SULF2: variants seen among roughly 807,000 people sequenced by gnomAD.
SULF2 encodes sulfatase 2, also known as extracellular sulfatase Sulf-2.
In SULF2, 52 loss-of-function variants were observed where a neutral mutation model predicts 107.7. The ratio of observed to expected loss-of-function variants is 0.48; its 90% CI spans 0.39 to 0.61. The LOEUF (loss-of-function observed/expected upper bound fraction) is 0.61. SULF2 is among the 20% of genes least tolerant of loss of function. SULF2 has a pLI of 0.00. For missense variants in SULF2, 993 were observed against 1,177.3 expected, an observed-to-expected ratio of 0.84 and a Z score of 2.29; for synonymous variants, 460 against 464.3, an observed-to-expected ratio of 0.99 and a Z score of 0.12.
intron 4 of SULF2, among the ~76,000 whole-genome samples, chr20:47,693,890 A>G (rs1388538459): frequency 1.3e-5 from 2 of 152,180 alleles, no homozygotes; most frequent in Non-Finnish European, 2.9e-5. Flanking sequence ...TAAAGCACCA[A>G]TAGATGTGAA....
chr20:47,683,301 G>A (rs1053747506), intron 6 of SULF2, 132 bp from the exon 7 acceptor site: 31 of 894,658 alleles, frequency 3.5e-5, no homozygotes, highest in Non-Finnish European at 4.7e-5. Context: ...AACTTTCCCA[G>A]GGGCTGTCCC....
chr20:47,749,313 A>G (rs2090113027), intron 2 of SULF2, among the ~76,000 whole-genome samples: 1 of 152,144 alleles, frequency 6.6e-6, no homozygotes, highest in African/African-American at 2.4e-5. Context: ...ATCCTGATAC[A>G]CTTAACTTCC....
At chr20:47,764,974 G>T (rs1414412028) in intron 1 of SULF2, among the ~76,000 whole-genome samples, 5 of 152,154 alleles carry the variant, frequency 3.3e-5, no homozygotes, top group Non-Finnish European at 7.4e-5. Context: ...TCCAGAACCT[G>T]CCCAGTGTCG....
At chr20:47,702,386 G>A in intron 4 of SULF2, 133 bp downstream of exon 4, 2 of 967,714 alleles carry the variant, frequency 2.1e-6, no homozygotes, top group Admixed American at 5.7e-5. Flanking sequence ...AGGAGGAGGT[G>A]TATGTAAAAT....
chr20:47,757,793 A>G (rs2090329105), intron 1 of SULF2, among the ~76,000 whole-genome samples: 1 of 151,986 alleles, frequency 6.6e-6, no homozygotes, highest in South Asian at 2.1e-4. Context: ...CCACAGACAA[A>G]TCGTCCCCAG....
chr20:47,689,923 C>A, intron 5 of SULF2: 1 of 448,752 alleles, frequency 2.2e-6, no homozygotes, highest in Non-Finnish European at 3.6e-6. Flanking sequence ...TAAAAATTCT[C>A]CTGCCTTGGT....
Position 47,731,210 on chromosome 20 carries a change from T to G in SULF2, c.415+5493A>C, listed in dbSNP as rs112576486. ...CTCTTTTTTTTTTTTTTTTTTTTTT[T>G]GAGACAGAGTCTTACTCTGTCACCC... On this transcript the variant is annotated intron_variant, in intron 3 of 20. Transcript: ENST00000688720. 7.4e-4 allele frequency among the ~76,000 whole-genome samples: 101 copies of G among 135,706 alleles called. 2 individuals carry two copies. The highest frequency in any genetic ancestry group is 2.9e-3 in the African/African-American group (93 of 32,442). 89.0% of individuals were successfully genotyped at this position (135,706 alleles called of 152,430 possible).
intron 10 of SULF2, 82 bp from the exon 11 acceptor site, chr20:47,672,475 G>A (rs2087511278): frequency 1.4e-6 from 2 of 1,468,278 alleles, no homozygotes; most frequent in Non-Finnish European, 1.8e-6. Context: ...CATCCACCCT[G>A]GAGACATCCC....
chr20:47,659,756 A>T (rs771020218), intron 18 of SULF2, 26 bp from the exon 19 acceptor site: 1 of 1,606,682 alleles, frequency 6.2e-7, no homozygotes, highest in African/African-American at 1.3e-5. Context: ...ATGAAAAACA[A>T]AACAGGAGCA....
chr20:47,693,698 G>A (rs531705639), intron 4 of SULF2, among the ~76,000 whole-genome samples: 14 of 152,340 alleles, frequency 9.2e-5, no homozygotes, highest in Admixed American at 7.2e-4. Flanking sequence ...ATCCACCTAT[G>A]GGATGAAAGA....
chr20:47,661,804 C>G lies in SULF2; in HGVS notation c.2463G>C (p.Gln821His). ...CCATGTTTCGAGTCCGGGGGTTACA[C>G]TGCTTGTAACCCTTGCAGCTCCTCA... ...MELRSCKGYKQCNPRTRNMDL... is the reference protein window; with the variant it reads ...MELRSCKGYKHCNPRTRNMDL... The change falls in exon 18 of 21, where the codon CAG becomes CAC. Residue 821 changes from glutamine to histidine, a missense_variant. By Grantham distance (24) the Gln-to-His change is conservative. This residue lies in a region of SULF2 where 497 missense variants were observed against 544.1 expected (regional missense o/e 0.91). Transcript: ENST00000688720. The G allele has an allele frequency of 1.3e-6, 2 of 1,575,356 alleles. No homozygotes were observed. Among genetic ancestry groups the G allele is most frequent in the South Asian group, 2.3e-5 (2 of 86,926 alleles).
intron 1 of SULF2, among the ~76,000 whole-genome samples, chr20:47,771,839 A>C (rs897981596): frequency 6.6e-6 from 1 of 152,128 alleles, no homozygotes; most frequent in African/African-American, 2.4e-5. Context: ...ACATCTCCCA[A>C]CCTGCCGGAA....
intron 3 of SULF2, among the ~76,000 whole-genome samples, chr20:47,721,193 A>G (rs2089287545): frequency 6.6e-6 from 1 of 152,136 alleles, no homozygotes; most frequent in Non-Finnish European, 1.5e-5. Flanking sequence ...TGATAAATCA[A>G]TGCTATAAAA....
intron 4 of SULF2, among the ~76,000 whole-genome samples, chr20:47,698,629 T>C (rs1460735013): frequency 6.6e-6 from 1 of 152,136 alleles, no homozygotes; most frequent in Non-Finnish European, 1.5e-5. Context: ...GATACCCCTA[T>C]AGCTGGTTTT....
Position 47,663,448 on chromosome 20 carries a change from C to T in SULF2, c.2227+5G>A. 6.2e-7 allele frequency: 1 copy of T among 1,607,184 alleles called. No individual in the cohort carries two copies. The highest frequency in any genetic ancestry group is 8.5e-7 in the Non-Finnish European group (1 of 1,179,994). On this transcript the variant is annotated splice_donor_5th_base_variant and intron_variant, in intron 16 of 20. Transcript: ENST00000688720. Reference sequence around the variant, plus strand: ...CCTGTCCACCCCTGCCCTGGGCTTGCTCACGTGTCCAGAAAGGCGCCGTCT... The same window carrying T: ...CCTGTCCACCCCTGCCCTGGGCTTGTTCACGTGTCCAGAAAGGCGCCGTCT...
intron 5 of SULF2, among the ~76,000 whole-genome samples, chr20:47,686,706 T>C (rs560988521): frequency 6.6e-6 from 1 of 152,322 alleles, no homozygotes; most frequent in African/African-American, 2.4e-5. Context: ...GCAGAAATTG[T>C]GACGCTGCCG....
chr20:47,683,667 G>A (rs1357661738), intron 6 of SULF2, among the ~76,000 whole-genome samples: 2 of 152,230 alleles, frequency 1.3e-5, no homozygotes, highest in Non-Finnish European at 2.9e-5. Flanking sequence ...ATTGGCTCCA[G>A]CCACACGAAC....
intron 1 of SULF2, among the ~76,000 whole-genome samples, chr20:47,782,979 G>A (rs1335372385): frequency 6.6e-6 from 1 of 152,158 alleles, no homozygotes; most frequent in Non-Finnish European, 1.5e-5. Flanking sequence ...AGTGGACCCC[G>A]GAGCTTGAGG....
intron 4 of SULF2, among the ~76,000 whole-genome samples, chr20:47,692,853 T>C (rs1193663842): frequency 1.3e-5 from 2 of 152,084 alleles, no homozygotes; most frequent in African/African-American, 4.8e-5. Flanking sequence ...TGGTTAAGGG[T>C]AAGAGCAAGC....
Sources: allele counts gnomAD v4.1 joint callset (sites outside exome capture counted in the v4.1 genomes callset), GRCh38; gene constraint gnomAD v4.1.1; regional missense constraint gnomAD v4.1.1; transcripts MANE v1.5; gene names NCBI Gene and HGNC (gene_info 2026-07-23, HGNC 2026-07-21).